SPEF2: variants seen among roughly 807,000 people sequenced by gnomAD.
SPEF2 encodes sperm flagella and cilia-associated protein 2.
A neutral mutation model predicts 224.6 loss-of-function variants in SPEF2; 187 were observed. The observed-to-expected ratio is 0.83, with a 90% CI of 0.74 to 0.94. The LOEUF is 0.94. Ranked by LOEUF, SPEF2 falls within the 40% of genes least tolerant of loss-of-function variation. The probability of loss-of-function intolerance (pLI) is 0.00; values close to 1 mark genes in which losing one functional copy is unlikely to be tolerated. For synonymous variants in SPEF2, 715 were observed against 707.3 expected, an observed-to-expected ratio of 1.01 and a Z score of -0.17; for missense variants, 2,170 against 2,135.6, an observed-to-expected ratio of 1.02 and a Z score of -0.32.
chr5:35,620,768 A>G (rs1432711477), intron 1 of SPEF2, among the ~76,000 whole-genome samples: 2 of 152,190 alleles, frequency 1.3e-5, no homozygotes. Flanking sequence ...TCAAGTAAAA[A>G]CCAAAAGTTA....
chr5:35,762,373 A>G (rs1048137806), intron 25 of SPEF2, among the ~76,000 whole-genome samples: 2 of 152,242 alleles, frequency 1.3e-5, no homozygotes, highest in Non-Finnish European at 2.9e-5. Flanking sequence ...CACAAGCCTT[A>G]CCCGAACTTA....
At chr5:35,771,371 G>A (rs947088024) in intron 26 of SPEF2, among the ~76,000 whole-genome samples, 38 of 152,180 alleles carry the variant, frequency 2.5e-4, no homozygotes, top group African/African-American at 8.2e-4. Context: ...TTGCAGGTGG[G>A]GCTTGAGAAA....
chr5:35,687,641 C>T (rs1753835132), intron 10 of SPEF2, among the ~76,000 whole-genome samples: 1 of 152,116 alleles, frequency 6.6e-6, no homozygotes, highest in South Asian at 2.1e-4. Flanking sequence ...AGGCGTGAGC[C>T]ACCGCACCAG....
chr5:35,710,536 G>A (rs189766641), intron 19 of SPEF2: 15 of 969,892 alleles, frequency 1.5e-5, no homozygotes, highest in Non-Finnish European at 1.8e-5. Context: ...TAGCCTGGGG[G>A]ATAGAGTGAA....
At chr5:35,707,936 T>C (rs1740135954) in intron 18 of SPEF2, among the ~76,000 whole-genome samples, 1 of 152,140 alleles carries the variant, frequency 6.6e-6, no homozygotes, top group Admixed American at 6.5e-5. Context: ...CTATTTTTTT[T>C]CCATAGCACT....
chr5:35,756,504 A>G (rs1750466850), intron 24 of SPEF2, among the ~76,000 whole-genome samples: 1 of 152,216 alleles, frequency 6.6e-6, no homozygotes, highest in Non-Finnish European at 1.5e-5. Flanking sequence ...ATATTTAAAG[A>G]AAGAGCCTAA....
chr5:35,772,203 C>T (rs912350680), intron 27 of SPEF2, among the ~76,000 whole-genome samples: 1 of 152,158 alleles, frequency 6.6e-6, no homozygotes, highest in Non-Finnish European at 1.5e-5. Flanking sequence ...ACAAAGAGTT[C>T]AGAAAATACG....
At chr5:35,810,804 A>G (rs1040797046) in intron 36 of SPEF2, among the ~76,000 whole-genome samples, 10 of 152,218 alleles carry the variant, frequency 6.6e-5, no homozygotes, top group Admixed American at 1.3e-4. Context: ...AGCACCTGGC[A>G]TTCTCATAGC....
rs1748319016 is a variant in SPEF2 at position 35,745,302 on chromosome 5, C to A, written c.3330+5035C>A. Among the ~76,000 whole-genome samples the A allele has an allele frequency of 2.0e-5, 3 of 152,144 alleles. No homozygotes were observed. In the South Asian group the frequency reaches 6.2e-4, roughly 31 times the overall value. The stretch of plus-strand genomic sequence containing the variant: ...TAGCTGAACCTTGTAACAATTTGAA[C>A]TGGGCAAGAAGCCTCCCGGCCAGAG... On this transcript the variant is annotated intron_variant, in intron 23 of 36. Transcript: ENST00000356031.
intron 5 of SPEF2, 56 bp from the exon 6 acceptor site, chr5:35,649,305 G>A (rs1747857239): frequency 1.4e-6 from 2 of 1,411,660 alleles, no homozygotes; most frequent in East Asian, 2.3e-5. Context: ...ATGTGTAAAT[G>A]AAGATTTTTC....
At position 35,667,330 on chromosome 5, in the gene SPEF2, T is replaced by C. The variant is rs1045040033; in HGVS notation, c.1355+71T>C. The C allele has an allele frequency of 4.6e-6, 6 of 1,292,772 alleles. No individual in the cohort carries two copies. The African/African-American group carries it at 9.0e-5, about 19-fold the overall frequency. The allele number at this position is 1,292,772 out of a possible 1,614,324, so 80.1% of individuals were successfully genotyped here. ...AGGAAGGATAAGATTGTAAAATAGA[T>C]ACTAGGATGATAAGTAAAGAGAGAT... On this transcript the variant is annotated intron_variant, in intron 9 of 36. Transcript: ENST00000356031.
chr5:35,806,434 G>A (rs2149872397), intron 34 of SPEF2, among the ~76,000 whole-genome samples: 1 of 152,330 alleles, frequency 6.6e-6, no homozygotes, highest in South Asian at 2.1e-4. Context: ...ACAAGTACCT[G>A]GCAGGGTAGT....
chr5:35,665,134 A>G (rs954702022), intron 8 of SPEF2, among the ~76,000 whole-genome samples: 1 of 152,120 alleles, frequency 6.6e-6, no homozygotes, highest in South Asian at 2.1e-4. Context: ...AGTGGATGCC[A>G]TCCTTATTTA....
chr5:35,682,129 C>G (rs1333142588), intron 10 of SPEF2, among the ~76,000 whole-genome samples: 1 of 152,036 alleles, frequency 6.6e-6, no homozygotes, highest in East Asian at 1.9e-4. Flanking sequence ...GAGTGGTAGG[C>G]CAAGGGAAAG....
At chr5:35,677,912 GA>G (rs1467187605) in intron 10 of SPEF2, among the ~76,000 whole-genome samples, 2 of 152,210 alleles carry the variant, frequency 1.3e-5, no homozygotes, top group East Asian at 3.9e-4. Context: ...CAGCGTTTCT[GA>G]AAAATAAACC....
intron 20 of SPEF2, among the ~76,000 whole-genome samples, chr5:35,714,508 G>T (rs1205959941): frequency 6.6e-6 from 1 of 151,496 alleles, no homozygotes; most frequent in Non-Finnish European, 1.5e-5. Context: ...AGCATTAACA[G>T]GTTATTTTTA....
intron 20 of SPEF2, among the ~76,000 whole-genome samples, chr5:35,718,197 G>T (rs1045203974): frequency 2.0e-5 from 3 of 152,308 alleles, no homozygotes; most frequent in Admixed American, 6.5e-5. Flanking sequence ...GGCATGTCAG[G>T]CTTCTGGGTT....
rs550530901 is a variant in SPEF2, at chr5:35,799,598, C to G, written c.4831-370C>G. 9.9e-5 allele frequency among the ~76,000 whole-genome samples: 15 copies of G among 152,184 alleles called. No individual in the cohort carries two copies. The East Asian group carries it at 2.7e-3, about 27-fold the overall frequency. Reference sequence around the variant, plus strand: ...ACAGAGACCGATGGAACAGAAGCCTCATATTTAGGACCAGGGCCTAGTTTG... The same window carrying G: ...ACAGAGACCGATGGAACAGAAGCCTGATATTTAGGACCAGGGCCTAGTTTG... On this transcript the variant is annotated intron_variant, in intron 33 of 36. Coordinates refer to ENST00000356031, the MANE Select transcript of SPEF2 (RefSeq NM_024867.4).
Position 35,697,788 on chromosome 5 carries a change from T to C in SPEF2, c.2136T>C (p.Ala712=). Residue 712 remains alanine, a synonymous_variant, in exon 15 of 37, where the codon GCT becomes GCC. Coordinates refer to ENST00000356031, the MANE Select transcript of SPEF2 (RefSeq NM_024867.4). ...DVLLVDIIVN[A]INEIPVNQDC... ...TGCTTGTTGACATCATAGTAAATGC[T>C]ATTAAGTATGTATTGCATTTTTCTT... The C allele has an allele frequency of 6.2e-7, 1 of 1,604,420 alleles. No individual in the cohort carries two copies. The highest frequency in any genetic ancestry group is 8.5e-7 in the Non-Finnish European group (1 of 1,172,354).
Sources: gnomAD v4.1 joint callset for allele counts (sites outside exome capture counted in the v4.1 genomes callset) on GRCh38, gnomAD v4.1.1 for gene constraint, MANE v1.5 for transcripts, NCBI Gene and HGNC (gene_info 2026-07-23, HGNC 2026-07-21) for gene names.